Variants in CCDC149 observed in about 807,000 individuals in gnomAD.
The protein encoded by CCDC149 is coiled-coil domain-containing protein 149.
CCDC149 carries 45 observed loss-of-function variants against 59.9 expected under a neutral mutation model. The ratio of observed to expected loss-of-function variants is 0.75; its 90% CI spans 0.59 to 0.96. The LOEUF (loss-of-function observed/expected upper bound fraction) is 0.96, where lower values mean the gene tolerates loss of function less well. CCDC149 is among the 40% of genes least tolerant of loss of function. The pLI, the probability that CCDC149 is intolerant of heterozygous loss-of-function variation, is 0.00. For missense variants in CCDC149, 584 were observed against 664.7 expected, an observed-to-expected ratio of 0.88 and a Z score of 1.33; for synonymous variants, 245 against 260.6, an observed-to-expected ratio of 0.94 and a Z score of 0.58.
At chr4:24,823,639 C>A (rs1310113914) in intron 9 of CCDC149, among the ~76,000 whole-genome samples, 1 of 152,136 alleles carries the variant, frequency 6.6e-6, no homozygotes, top group Non-Finnish European at 1.5e-5. Flanking sequence ...GCTACACACA[C>A]CCACATACAC....
chr4:24,864,161 T>C (rs964661916), intron 3 of CCDC149, among the ~76,000 whole-genome samples: 7 of 152,230 alleles, frequency 4.6e-5, no homozygotes, highest in African/African-American at 1.2e-4. Flanking sequence ...GTTTAAATAA[T>C]AGCCCTTCTC....
At position 24,808,458 on chromosome 4, in the gene CCDC149, T is replaced by C; in HGVS notation, c.1554A>G (p.Lys518=). ...CTTTGCCGTCTTCCGGTGTGGAAGCTTTGGCTGCTGGCCGGCTGGCCTCGA... is the reference window on the plus strand; with the variant it reads ...CTTTGCCGTCTTCCGGTGTGGAAGCCTTGGCTGCTGGCCGGCTGGCCTCGA... Residue 518 remains lysine, a synonymous_variant, in exon 13 of 13, where the codon AAA becomes AAG. Transcript: ENST00000635206. 6.8e-7 allele frequency: 1 copy of C among 1,467,544 alleles called. No homozygotes were observed. Among genetic ancestry groups the C allele is most frequent in the South Asian group, 1.5e-5 (1 of 68,590 alleles). 90.9% of individuals were successfully genotyped at this position (1,467,544 alleles called of 1,614,324 possible). A position where few individuals can be genotyped will look rare whatever the true frequency, so the allele number is the denominator to read the frequency against.
intron 1 of CCDC149, among the ~76,000 whole-genome samples, chr4:24,905,504 C>T (rs1211784664): frequency 6.6e-6 from 1 of 151,474 alleles, no homozygotes; most frequent in Non-Finnish European, 1.5e-5. Context: ...GGCGTGATCT[C>T]TGCCCACTAC....
chr4:24,925,361 A>C (rs556584824), intron 1 of CCDC149, among the ~76,000 whole-genome samples: 1 of 152,124 alleles, frequency 6.6e-6, no homozygotes, highest in Non-Finnish European at 1.5e-5. Flanking sequence ...TCAGTATGCA[A>C]TTGAATAGCC....
chr4:24,919,808 C>G (rs1722232715), intron 1 of CCDC149, among the ~76,000 whole-genome samples: 1 of 152,164 alleles, frequency 6.6e-6, no homozygotes, highest in Non-Finnish European at 1.5e-5. Flanking sequence ...GCCTGTGACT[C>G]TATGAAATTA....
chr4:24,851,534 A>C (rs1406555875), intron 4 of CCDC149, among the ~76,000 whole-genome samples: 14 of 152,228 alleles, frequency 9.2e-5, no homozygotes, highest in Admixed American at 9.2e-4. Flanking sequence ...AGACAGGAGC[A>C]TATTTAGGAA....
chr4:24,907,592 G>A (rs947975144), intron 1 of CCDC149, among the ~76,000 whole-genome samples: 1 of 152,176 alleles, frequency 6.6e-6, no homozygotes, highest in African/African-American at 2.4e-5. Flanking sequence ...AAGGATGGGA[G>A]GCTTAGACTA....
chr4:24,835,961 T>C (rs1692199161), intron 7 of CCDC149, among the ~76,000 whole-genome samples: 1 of 152,234 alleles, frequency 6.6e-6, no homozygotes, highest in African/African-American at 2.4e-5. Context: ...TTAAACATTC[T>C]GTCCTTGCAG....
At chr4:24,874,251 TTTTTTTTTG>T (rs1305550869) in intron 2 of CCDC149, among the ~76,000 whole-genome samples, 1 of 71,916 alleles carries the variant, frequency 1.4e-5, no homozygotes, top group East Asian at 3.8e-4. Flanking sequence ...TTTGTTTTTT[TTTTTTTTTG>T]TTTTGTTTTT....
At chr4:24,842,164 CTAAGT>C (rs1195572536) in intron 4 of CCDC149, among the ~76,000 whole-genome samples, 2 of 152,180 alleles carry the variant, frequency 1.3e-5, no homozygotes, top group African/African-American at 4.8e-5. Flanking sequence ...GAACCTAACC[CTAAGT>C]AAGAAAAGAT....
At chr4:24,806,008 G>A (rs1441392065), downstream of CCDC149, 1 of 152,162 alleles carries the variant, frequency 6.6e-6, no homozygotes, top group Non-Finnish European at 1.5e-5. Flanking sequence ...GTTAAGTGTG[G>A]CTTGAAGCTG....
chr4:24,852,627 G>C (rs1717736479), intron 4 of CCDC149, among the ~76,000 whole-genome samples: 1 of 152,092 alleles, frequency 6.6e-6, no homozygotes, highest in Admixed American at 6.6e-5. Flanking sequence ...CATACAAATT[G>C]CCAAATTTAG....
chr4:24,854,229 A>T (rs1717860388), intron 3 of CCDC149, among the ~76,000 whole-genome samples: 1 of 152,122 alleles, frequency 6.6e-6, no homozygotes, highest in East Asian at 1.9e-4. Flanking sequence ...GTTCTCCCAT[A>T]CTATTCTTAC....
chr4:24,904,429 C>T (rs1304740822), intron 1 of CCDC149, among the ~76,000 whole-genome samples: 2 of 152,106 alleles, frequency 1.3e-5, no homozygotes. Context: ...AGGAGCAGTA[C>T]GTTTGCTGCT....
intron 1 of CCDC149, among the ~76,000 whole-genome samples, chr4:24,877,208 C>T (rs1186045210): frequency 6.6e-6 from 1 of 151,786 alleles, no homozygotes; most frequent in Non-Finnish European, 1.5e-5. Context: ...TTTTTTGAGA[C>T]GGAGTCTTGC....
chr4:24,955,895 A>G (rs1723450510), intron 1 of CCDC149, among the ~76,000 whole-genome samples: 1 of 152,250 alleles, frequency 6.6e-6, no homozygotes, highest in Non-Finnish European at 1.5e-5. Flanking sequence ...GTGTTTTACC[A>G]CAATAAAAAG....
Position 24,927,020 on chromosome 4 carries a change from C to T in CCDC149, c.-64-31902G>A, listed in dbSNP as rs576798782. ...CATTGCCCTTAAGACCCCCAGCCTC[C>T]GAAGTCAGGCATGGTCACTTCTGCT... On this transcript the variant is annotated intron_variant, in intron 1 of 12. Coordinates refer to the CCDC149 transcript ENST00000389609. Among the ~76,000 whole-genome samples the T allele has an allele frequency of 1.8e-4, 27 of 152,212 alleles. No homozygotes were observed. In the South Asian group the frequency reaches 3.3e-3, roughly 19 times the overall value.
intron 12 of CCDC149, among the ~76,000 whole-genome samples, chr4:24,815,511 C>A (rs1714955849): frequency 6.6e-6 from 1 of 152,190 alleles, no homozygotes; most frequent in Non-Finnish European, 1.5e-5. Flanking sequence ...CGAGTACACT[C>A]CTTCTGGAAA....
intron 1 of CCDC149, among the ~76,000 whole-genome samples, chr4:24,906,377 T>TTTTATTTTATTTATTTTATA (rs1721518010): frequency 3.8e-5 from 1 of 26,474 alleles, no homozygotes; most frequent in Non-Finnish European, 1.4e-4. Context: ...TTTATTTTAT[T>TTTTATTTTATTTATTTTATA]TTATTTTATT....
Sources: allele counts gnomAD v4.1 joint callset (sites outside exome capture counted in the v4.1 genomes callset), GRCh38; gene constraint gnomAD v4.1.1; transcripts MANE v1.5; gene names NCBI Gene and HGNC (gene_info 2026-07-23, HGNC 2026-07-21).